Variants in ZNF280D observed in about 807,000 individuals in gnomAD.
The protein encoded by ZNF280D is suppressor of hairy wing homolog 4.
Under a neutral mutation model 94.7 loss-of-function variants are expected in ZNF280D, and 39 were observed. That is an observed-to-expected ratio of 0.41 (90% CI 0.32 to 0.54). The LOEUF is 0.54. Among genes scored for constraint, ZNF280D ranks in the 20% least tolerant of loss-of-function variants. ZNF280D has a pLI of 0.22. For synonymous variants in ZNF280D, 398 were observed against 377.6 expected (o/e 1.05, Z -0.63); for missense variants, 1,090 against 1,149.3 (o/e 0.95, Z 0.75).
At chr15:56,655,438 C>A (rs1405422505) in intron 17 of ZNF280D, among the ~76,000 whole-genome samples, 1 of 27,500 alleles carries the variant, frequency 3.6e-5, no homozygotes, top group African/African-American at 1.3e-4. Flanking sequence ...GAACTCCTGA[C>A]CTTGTGATCA....
intron 2 of ZNF280D, 45 bp from the exon 3 acceptor site, chr15:56,707,195 A>G (rs2057460657): frequency 5.6e-6 from 9 of 1,608,020 alleles, no homozygotes; most frequent in Non-Finnish European, 7.6e-6. Flanking sequence ...TTTAAGTAAC[A>G]CCAAATATTG....
chr15:56,686,569 T>A (rs1253764485), intron 9 of ZNF280D, among the ~76,000 whole-genome samples: 4 of 152,196 alleles, frequency 2.6e-5, no homozygotes, highest in South Asian at 4.1e-4. Context: ...TGTTTCCCAA[T>A]CCAGGACAGA....
chr15:56,654,059 T>G (rs1473869820), intron 19 of ZNF280D, 139 bp downstream of exon 19: 2 of 1,500,712 alleles, frequency 1.3e-6, no homozygotes, highest in Non-Finnish European at 1.8e-6. Context: ...GGAACCTATT[T>G]CAACAAGCAG....
chr15:56,717,799 C>A (rs2058125563), intron 1 of ZNF280D, among the ~76,000 whole-genome samples: 1 of 151,990 alleles, frequency 6.6e-6, no homozygotes. Flanking sequence ...ACTTCTAAGG[C>A]TGAATATTTC....
intron 3 of ZNF280D, among the ~76,000 whole-genome samples, chr15:56,705,184 A>G (rs1408980587): frequency 6.6e-6 from 1 of 152,218 alleles, no homozygotes; most frequent in Non-Finnish European, 1.5e-5. Context: ...AATGCCATCA[A>G]TATCATGAAA....
At chr15:56,657,091 A>G (rs1225144358) in intron 17 of ZNF280D, among the ~76,000 whole-genome samples, 1 of 152,162 alleles carries the variant, frequency 6.6e-6, no homozygotes. Context: ...TTATCTCTAC[A>G]GATCAGCTTG....
At chr15:56,635,347 A>C in intron 20 of ZNF280D, 97 bp from the exon 21 acceptor site, 1 of 409,970 alleles carries the variant, frequency 2.4e-6, no homozygotes, top group Middle Eastern at 7.3e-4. Context: ...ACAAGTGTGC[A>C]ACTTAATATA....
At chr15:56,649,288 G>A (rs2053075244) in intron 19 of ZNF280D, among the ~76,000 whole-genome samples, 1 of 152,114 alleles carries the variant, frequency 6.6e-6, no homozygotes, top group Non-Finnish European at 1.5e-5. Context: ...ATCACTGGTA[G>A]AGATTGGTAC....
intron 3 of ZNF280D, among the ~76,000 whole-genome samples, chr15:56,706,384 G>C (rs914834396): frequency 1.3e-5 from 2 of 151,432 alleles, no homozygotes; most frequent in Non-Finnish European, 2.9e-5. Flanking sequence ...AGGCTGAGGC[G>C]GGAGAATCAC....
At chr15:56,670,841 T>A (rs1444326149) in intron 13 of ZNF280D, among the ~76,000 whole-genome samples, 1 of 152,022 alleles carries the variant, frequency 6.6e-6, no homozygotes, top group Non-Finnish European at 1.5e-5. Context: ...CTTGCTAGCA[T>A]CTATTATTTT....
At chr15:56,698,181 G>A (rs1212940637) in intron 6 of ZNF280D, 1 of 152,084 alleles carries the variant, frequency 6.6e-6, no homozygotes, top group Non-Finnish European at 1.5e-5. Context: ...GTCTATCTTA[G>A]CTTTTAAATG....
At chr15:56,638,574 A>G (rs897975578) in intron 20 of ZNF280D, among the ~76,000 whole-genome samples, 1 of 152,074 alleles carries the variant, frequency 6.6e-6, no homozygotes, top group Admixed American at 6.6e-5. Context: ...TGAGAATCCA[A>G]TTTTTTTCTA....
chr15:56,631,900 A>G lies in ZNF280D; in HGVS notation c.2538T>C (p.Cys846=). The G allele has an allele frequency of 6.2e-7, 1 of 1,613,800 alleles. No individual in the cohort carries two copies. Among genetic ancestry groups the G allele is most frequent in the Non-Finnish European group, 8.5e-7 (1 of 1,180,008 alleles). The part of the protein sequence containing the change: ...VEKKKQIQHV[C]QEMELKMCQS... ...GGCACATCTTCAACTCCATTTCCTG[A>G]CAAACGTGTTGTATTTGTTTTTTCT... Residue 846 remains cysteine, a synonymous_variant, in exon 22 of 22, where the codon TGT becomes TGC. Coordinates refer to ENST00000267807, the MANE Select transcript of ZNF280D (RefSeq NM_017661.4).
chr15:56,658,180 G>A (rs2053674848), intron 17 of ZNF280D, among the ~76,000 whole-genome samples: 1 of 152,148 alleles, frequency 6.6e-6, no homozygotes, highest in Non-Finnish European at 1.5e-5. Flanking sequence ...TTGTTGTTCA[G>A]GGATGGGAAG....
chr15:56,727,384 G>C (rs1057326927), intron 1 of ZNF280D, among the ~76,000 whole-genome samples: 1 of 152,140 alleles, frequency 6.6e-6, no homozygotes, highest in Non-Finnish European at 1.5e-5. Flanking sequence ...ACTTGAACCC[G>C]GGAAGTGGAG....
intron 3 of ZNF280D, 81 bp from the exon 4 acceptor site, chr15:56,704,348 T>C (rs1353146549): frequency 3.0e-6 from 4 of 1,328,910 alleles, no homozygotes; most frequent in Non-Finnish European, 4.1e-6. Context: ...GCATTAATTT[T>C]AAGGTGTACT....
At chr15:56,636,438 ATCCCT>A (rs1320891115) in intron 20 of ZNF280D, among the ~76,000 whole-genome samples, 1 of 151,322 alleles carries the variant, frequency 6.6e-6, no homozygotes, top group East Asian at 1.9e-4. Flanking sequence ...ACAGGCACCT[ATCCCT>A]TCCCTTACCA....
At chr15:56,728,332 T>C (rs912014355) in intron 1 of ZNF280D, among the ~76,000 whole-genome samples, 6 of 152,298 alleles carry the variant, frequency 3.9e-5, no homozygotes, top group Middle Eastern at 3.4e-3. Context: ...GATACAACGC[T>C]TAAGTGCCCA....
chr15:56,704,530 G>A (rs1471980182), intron 3 of ZNF280D, among the ~76,000 whole-genome samples: 1 of 152,166 alleles, frequency 6.6e-6, no homozygotes, highest in Non-Finnish European at 1.5e-5. Flanking sequence ...GTCAAATTCA[G>A]TGAAAGTGAG....
Sources: gnomAD v4.1 joint callset for allele counts (sites outside exome capture counted in the v4.1 genomes callset) on GRCh38, gnomAD v4.1.1 for gene constraint, MANE v1.5 for transcripts, NCBI Gene and HGNC (gene_info 2026-07-23, HGNC 2026-07-21) for gene names.